The following DLGAP2 variants were observed in gnomAD, a reference collection of about 807,000 sequenced individuals.
DLGAP2 encodes the protein disks large-associated protein 2.
A neutral mutation model predicts 100.3 loss-of-function variants in DLGAP2; 26 were observed. The ratio of observed to expected loss-of-function variants is 0.26; its 90% CI spans 0.19 to 0.36. The LOEUF (loss-of-function observed/expected upper bound fraction) is 0.36. Ranked by LOEUF, DLGAP2 falls within the 10% of genes least tolerant of loss-of-function variation. DLGAP2 has a pLI of 1.00. For missense variants in DLGAP2, 1,858 were observed against 1,453.2 expected, an observed-to-expected ratio of 1.28 and a Z score of -4.53; for synonymous variants, 886 against 630.1, an observed-to-expected ratio of 1.41 and a Z score of -6.08.
rs183930729 is a variant in DLGAP2, at chr8:1,668,256, C to T, written c.1811-73C>T. 8.3e-4 allele frequency: 1,117 copies of T among 1,350,212 alleles called. 2 individuals carry two copies. Among genetic ancestry groups the T allele is most frequent in the Non-Finnish European group, 7.9e-4 (798 of 1,008,992 alleles). The allele number at this position is 1,350,212 out of a possible 1,614,324, so 83.6% of individuals were successfully genotyped here. ...TGCTCCGTCAACCACAGGGCATGGG[C>T]GTGGGGAAACAGTAGACCACAGGCT... On this transcript the variant is annotated intron_variant, in intron 8 of 14. Transcript: ENST00000637795.
chr8:1,317,647 G>T (rs371267086), intron 3 of DLGAP2, among the ~76,000 whole-genome samples: 1,412 of 120,480 alleles, frequency 0.012, 10 homozygotes, highest in South Asian at 0.041. Context: ...GAGACACTCG[G>T]CAGCGTTTAA....
intron 4 of DLGAP2, among the ~76,000 whole-genome samples, chr8:1,512,717 C>T (rs1800213646): frequency 6.6e-6 from 1 of 152,262 alleles, no homozygotes; most frequent in African/African-American, 2.4e-5. Flanking sequence ...CCCCAGCTCG[C>T]TGTGTCCATG....
intron 2 of DLGAP2, among the ~76,000 whole-genome samples, chr8:1,089,842 T>A (rs1804112697): frequency 6.6e-6 from 1 of 152,252 alleles, no homozygotes; most frequent in Non-Finnish European, 1.5e-5. Context: ...CCTGATTGTT[T>A]GGGAGACACT....
intron 3 of DLGAP2, among the ~76,000 whole-genome samples, chr8:1,329,534 A>T (rs1451431897): frequency 1.3e-5 from 2 of 152,150 alleles, no homozygotes; most frequent in African/African-American, 4.8e-5. Flanking sequence ...TGCATGTTCA[A>T]AGAGCAAGTG....
chr8:1,613,231 T>C (rs900858169), intron 6 of DLGAP2, among the ~76,000 whole-genome samples: 1 of 144,310 alleles, frequency 6.9e-6, no homozygotes, highest in African/African-American at 2.6e-5. Flanking sequence ...GATGAGTTCA[T>C]GTCCTTTGTA....
chr8:825,761 A>T (rs962169322), intron 1 of DLGAP2, among the ~76,000 whole-genome samples: 1 of 152,162 alleles, frequency 6.6e-6, no homozygotes, highest in African/African-American at 2.4e-5. Context: ...GGATATTTTG[A>T]TACAGGCATG....
At chr8:1,159,262 T>A (rs1024894563) in intron 2 of DLGAP2, among the ~76,000 whole-genome samples, 1 of 152,238 alleles carries the variant, frequency 6.6e-6, no homozygotes, top group East Asian at 1.9e-4. Context: ...AATTACTGCT[T>A]TATCTGTCTC....
At position 1,706,519 on chromosome 8, in the gene DLGAP2, C is replaced by T. The variant is rs1221552373; in HGVS notation, c.*5113C>T. The stretch of plus-strand genomic sequence containing the variant: ...AATCAGGGACCACCAGAGGCAGAGG[C>T]CATGAGACTGTCTTTGGAAAGGTTT... On this transcript the variant is annotated 3_prime_UTR_variant, in exon 15 of 15. Transcript: ENST00000637795. 1 of 152,164 alleles carries T rather than the reference C, an allele frequency of 6.6e-6. No individual in the cohort carries two copies. The highest frequency in any genetic ancestry group is 1.9e-4 in the East Asian group (1 of 5,190). 9.4% of individuals were successfully genotyped at this position (152,164 alleles called of 1,614,324 possible).
intron 2 of DLGAP2, among the ~76,000 whole-genome samples, chr8:1,036,248 C>T (rs1475898743): frequency 3.3e-5 from 5 of 152,174 alleles, no homozygotes; most frequent in African/African-American, 9.7e-5. Flanking sequence ...GATTCACACG[C>T]TCATCCCGAC....
chr8:1,196,850 T>A (rs1797762652), intron 2 of DLGAP2, among the ~76,000 whole-genome samples: 1 of 151,952 alleles, frequency 6.6e-6, no homozygotes, highest in Admixed American at 6.6e-5. Context: ...TCCCGAAAAG[T>A]GAGACTGACA....
At chr8:1,335,080 C>G (rs1372477391) in intron 3 of DLGAP2, among the ~76,000 whole-genome samples, 2 of 152,166 alleles carry the variant, frequency 1.3e-5, no homozygotes, top group African/African-American at 2.4e-5. Flanking sequence ...GTTCTAGGAA[C>G]CATGGTCTGA....
chr8:1,572,280 A>AG (rs199862771), intron 6 of DLGAP2, among the ~76,000 whole-genome samples: 7 of 64,024 alleles, frequency 1.1e-4, no homozygotes, highest in Non-Finnish European at 1.4e-4. Context: ...GAGAGGAGAG[A>AG]GGTGAACTGT....
chr8:1,153,080 A>G (rs137913078), intron 2 of DLGAP2, among the ~76,000 whole-genome samples: 1 of 152,182 alleles, frequency 6.6e-6, no homozygotes, highest in East Asian at 1.9e-4. Flanking sequence ...TCAAGAAACT[A>G]CCTTTGAGAG....
chr8:1,030,753 C>T (rs537020760), intron 2 of DLGAP2, among the ~76,000 whole-genome samples: 1 of 152,166 alleles, frequency 6.6e-6, no homozygotes, highest in Admixed American at 6.5e-5. Flanking sequence ...AGAATGCTTC[C>T]TAGAGACCCA....
chr8:1,676,455 T>A (rs1326310616), intron 10 of DLGAP2, 78 bp from the exon 11 acceptor site: 1 of 1,452,912 alleles, frequency 6.9e-7, no homozygotes, highest in Admixed American at 2.0e-5. Context: ...TTACAGCAAA[T>A]CCACAACAAC....
At chr8:1,449,819 C>A (rs553214816) in intron 3 of DLGAP2, among the ~76,000 whole-genome samples, 1 of 145,778 alleles carries the variant, frequency 6.9e-6, no homozygotes, top group Non-Finnish European at 1.5e-5. Flanking sequence ...ACGAGGTGGG[C>A]GGCCTCGGTG....
intron 4 of DLGAP2, among the ~76,000 whole-genome samples, chr8:1,512,798 C>T (rs1800216073): frequency 6.6e-6 from 1 of 152,232 alleles, no homozygotes; most frequent in African/African-American, 2.4e-5. Context: ...TGGGTGACTA[C>T]TGCCAACATT....
At chr8:1,686,887 A>G (rs1364347416) in intron 12 of DLGAP2, among the ~76,000 whole-genome samples, 1 of 152,256 alleles carries the variant, frequency 6.6e-6, no homozygotes, top group Non-Finnish European at 1.5e-5. Context: ...TGTTCCCAAC[A>G]CACACACATA....
intron 2 of DLGAP2, among the ~76,000 whole-genome samples, chr8:1,060,775 G>A (rs1165201030): frequency 6.6e-6 from 1 of 152,182 alleles, no homozygotes; most frequent in Admixed American, 6.5e-5. Flanking sequence ...CCTCAGAGAG[G>A]GGCCTGCGGG....
Sources: allele counts gnomAD v4.1 joint callset (sites outside exome capture counted in the v4.1 genomes callset), GRCh38; gene constraint gnomAD v4.1.1; transcripts MANE v1.5; gene names NCBI Gene and HGNC (gene_info 2026-07-23, HGNC 2026-07-21).